The following SRFBP1 variants were observed in gnomAD, a reference collection of about 807,000 sequenced individuals.
SRFBP1 encodes serum response factor binding protein 1, also known as serum response factor-binding protein 1.
In SRFBP1, 47 loss-of-function variants were observed where a neutral mutation model predicts 45.5. That is an observed-to-expected ratio of 1.03 (90% CI 0.82 to 1.32). The LOEUF (loss-of-function observed/expected upper bound fraction) is 1.32, where lower values mean the gene tolerates loss of function less well. SRFBP1 is among the 40% of genes most tolerant of loss of function. The probability of loss-of-function intolerance (pLI) is 0.00; values close to 1 mark genes in which losing one functional copy is unlikely to be tolerated. For missense variants in SRFBP1, 621 were observed against 484.6 expected (o/e 1.28, Z -2.64); for synonymous variants, 203 against 166.3 (o/e 1.22, Z -1.70).
rs1754384365 is a variant in SRFBP1 at position 122,069,171 on chromosome 5, C to A, written n.312-6144C>A. 2.6e-5 allele frequency among the ~76,000 whole-genome samples: 4 copies of A among 152,066 alleles called. No individual in the cohort carries two copies. In the South Asian group the frequency reaches 8.3e-4, roughly 32 times the overall value. On this transcript the variant is annotated intron_variant and non_coding_transcript_variant, in intron 2 of 2. Coordinates refer to the SRFBP1 transcript ENST00000504881. ...GGGTTTTTGTATCAGGCAGAAATTT[C>A]TATTAATTATGAGATTCTAGTATAG... is the stretch of plus-strand genomic sequence containing the variant.
At chr5:122,061,967 T>TA (rs920500641) in intron 2 of SRFBP1, among the ~76,000 whole-genome samples, 2 of 151,862 alleles carry the variant, frequency 1.3e-5, no homozygotes, top group Non-Finnish European at 2.9e-5. Flanking sequence ...CTTAAGATGG[T>TA]ATATCCCAGA....
intron 2 of SRFBP1, among the ~76,000 whole-genome samples, chr5:122,040,744 C>T (rs999258347): frequency 1.2e-4 from 18 of 152,224 alleles, no homozygotes; most frequent in African/African-American, 4.1e-4. Context: ...ACTAAAATTG[C>T]ACAATTAATG....
At chr5:121,975,808 A>G (rs1752291635) in intron 3 of SRFBP1, among the ~76,000 whole-genome samples, 1 of 151,850 alleles carries the variant, frequency 6.6e-6, no homozygotes, top group African/African-American at 2.4e-5. Context: ...ATGTATTGGT[A>G]TCGGCATTTT....
intron 4 of SRFBP1, among the ~76,000 whole-genome samples, chr5:122,014,210 A>G (rs1020225102): frequency 6.6e-6 from 1 of 152,298 alleles, no homozygotes; most frequent in South Asian, 2.1e-4. Context: ...CAATATTTAT[A>G]TATTTATAAC....
intron 2 of SRFBP1, among the ~76,000 whole-genome samples, chr5:122,049,578 TC>T (rs1753929934): frequency 6.6e-6 from 1 of 152,166 alleles, no homozygotes; most frequent in African/African-American, 2.4e-5. Flanking sequence ...TATACATTCT[TC>T]TCAGCACCAC....
At chr5:121,969,239 C>G (rs1304508707) in intron 1 of SRFBP1, among the ~76,000 whole-genome samples, 1 of 152,134 alleles carries the variant, frequency 6.6e-6, no homozygotes, top group Non-Finnish European at 1.5e-5. Context: ...AATAAATGCT[C>G]ACATTGTAAA....
intron 1 of SRFBP1, among the ~76,000 whole-genome samples, chr5:121,964,304 TC>T (rs1413873298): frequency 6.6e-6 from 1 of 152,232 alleles, no homozygotes; most frequent in East Asian, 1.9e-4. Context: ...CATTAACCTG[TC>T]GTCTACATTA....
intron 4 of SRFBP1, among the ~76,000 whole-genome samples, chr5:122,012,230 G>A (rs1273379414): frequency 6.6e-6 from 1 of 151,668 alleles, no homozygotes; most frequent in African/African-American, 2.4e-5. Context: ...GTTAAATGTA[G>A]GATTTTCTAA....
intron 3 of SRFBP1, among the ~76,000 whole-genome samples, chr5:121,984,527 T>C (rs1752476814): frequency 6.6e-6 from 1 of 151,818 alleles, no homozygotes; most frequent in Admixed American, 6.6e-5. Flanking sequence ...ATGTTTCAAA[T>C]ATAAATGGGC....
chr5:122,029,346 A>G (rs6879710), downstream of SRFBP1, among the ~76,000 whole-genome samples: 4,186 of 152,234 alleles, frequency 0.027, 206 homozygotes, highest in African/African-American at 0.095. Context: ...TCTTTCTGCA[A>G]TGGCTGGTCA....
At chr5:122,047,386 G>C (rs944265012) in intron 2 of SRFBP1, among the ~76,000 whole-genome samples, 14 of 152,122 alleles carry the variant, frequency 9.2e-5, no homozygotes, top group African/African-American at 3.1e-4. Flanking sequence ...TGAGGTCTCT[G>C]TTCTGTTCCA....
chr5:121,998,075 A>G (rs1232300470), intron 4 of SRFBP1, among the ~76,000 whole-genome samples: 9 of 152,100 alleles, frequency 5.9e-5, no homozygotes, highest in Admixed American at 5.9e-4. Flanking sequence ...GGGACTGTAA[A>G]CTTAGTTCAA....
rs534901514 is a variant in SRFBP1, at chr5:121,993,542, C to T, written c.199-1057C>T. The stretch of plus-strand genomic sequence containing the variant: ...ATCTAATAAAGGTACTAGTTAAGGT[C>T]AGCCTTTCTACCACCCAGTTATAGG... On this transcript the variant is annotated intron_variant, in intron 3 of 7. Transcript: ENST00000339397. 2.8e-4 allele frequency among the ~76,000 whole-genome samples: 42 copies of T among 152,266 alleles called. 1 individual carries two copies. In the Middle Eastern group the frequency reaches 0.024, roughly 86 times the overall value.
At chr5:122,043,193 CTG>C (rs1580541466) in intron 2 of SRFBP1, among the ~76,000 whole-genome samples, 5 of 151,954 alleles carry the variant, frequency 3.3e-5, no homozygotes, top group Admixed American at 2.6e-4. Flanking sequence ...ATGAAAATAT[CTG>C]TCTCACTATT....
chr5:121,992,769 T>C (rs535949793), intron 3 of SRFBP1, among the ~76,000 whole-genome samples: 1 of 152,266 alleles, frequency 6.6e-6, no homozygotes, highest in Admixed American at 6.5e-5. Context: ...ATTTTAGAGG[T>C]ATTATATTCC....
chr5:121,986,493 C>T (rs1390520905), intron 3 of SRFBP1, among the ~76,000 whole-genome samples: 1 of 152,006 alleles, frequency 6.6e-6, no homozygotes, highest in East Asian at 1.9e-4. Context: ...CCATGTGGCC[C>T]AGCATGTTTA....
intron 4 of SRFBP1, among the ~76,000 whole-genome samples, chr5:121,995,873 T>G (rs1490172826): frequency 1.3e-5 from 2 of 152,050 alleles, no homozygotes; most frequent in East Asian, 3.9e-4. Flanking sequence ...CATCAGAGAA[T>G]ACTACAAACA....
chr5:121,995,734 T>G (rs1438193894), intron 4 of SRFBP1, among the ~76,000 whole-genome samples: 1 of 151,924 alleles, frequency 6.6e-6, no homozygotes, highest in Non-Finnish European at 1.5e-5. Context: ...GCTGGTTTTT[T>G]GAAAGGATCA....
intron 4 of SRFBP1, among the ~76,000 whole-genome samples, chr5:122,003,314 C>T (rs1752911488): frequency 6.7e-6 from 1 of 148,910 alleles, no homozygotes; most frequent in South Asian, 2.1e-4. Flanking sequence ...CACTGCACTC[C>T]AGCATGGGCA....
Sources: gnomAD v4.1 joint callset for allele counts (sites outside exome capture counted in the v4.1 genomes callset) on GRCh38, gnomAD v4.1.1 for gene constraint, MANE v1.5 for transcripts, NCBI Gene and HGNC (gene_info 2026-07-23, HGNC 2026-07-21) for gene names.